MREG: variants seen among roughly 807,000 people sequenced by gnomAD.
The protein encoded by MREG is dilute suppressor protein homolog.
MREG carries 31 observed loss-of-function variants against 28.5 expected under a neutral mutation model. That is an observed-to-expected ratio of 1.09 (90% CI 0.82 to 1.47). The LOEUF is 1.47. MREG is among the 40% of genes most tolerant of loss of function. The probability of loss-of-function intolerance (pLI) is 0.00; values close to 1 mark genes in which losing one functional copy is unlikely to be tolerated. For synonymous variants in MREG, 106 were observed against 95.2 expected (o/e 1.11, Z -0.66); for missense variants, 256 against 257.4 (o/e 0.99, Z 0.04).
At chr2:216,010,308 T>A (rs961543782) in intron 1 of MREG, among the ~76,000 whole-genome samples, 5 of 151,806 alleles carry the variant, frequency 3.3e-5, no homozygotes, top group African/African-American at 9.7e-5. Flanking sequence ...GCGGAAACCT[T>A]GATTTCAGAC....
chr2:215,967,683 T>C (rs1018830339), intron 2 of MREG, among the ~76,000 whole-genome samples: 1 of 152,192 alleles, frequency 6.6e-6, no homozygotes, highest in African/African-American at 2.4e-5. Flanking sequence ...GCCAGCAAAC[T>C]TTTTATGTGT....
At chr2:216,033,338 A>T (rs2105937127), upstream of MREG, among the ~76,000 whole-genome samples, 1 of 152,300 alleles carries the variant, frequency 6.6e-6, no homozygotes, top group East Asian at 1.9e-4. Context: ...TAAAATGACC[A>T]GTAATTTTGC....
intron 1 of MREG, among the ~76,000 whole-genome samples, chr2:216,028,452 C>T (rs142055813): frequency 0.05 from 7,098 of 143,144 alleles, 203 homozygotes; most frequent in Middle Eastern, 0.099. Flanking sequence ...GTCATGAACC[C>T]GGGAGGCGGA....
chr2:215,967,846 A>G (rs1692987151), intron 2 of MREG, among the ~76,000 whole-genome samples: 2 of 152,184 alleles, frequency 1.3e-5, no homozygotes, highest in South Asian at 4.1e-4. Context: ...AGTGAGTCCT[A>G]AGTGTGAAGG....
Position 216,020,004 on chromosome 2 carries a change from A to G in MREG, c.-68+12785T>C, listed in dbSNP as rs546887666. 3.3e-5 allele frequency among the ~76,000 whole-genome samples: 5 copies of G among 152,268 alleles called. No individual in the cohort carries two copies. The South Asian group carries it at 1.0e-3, about 32-fold the overall frequency. ...GGAATAATTCTGCCCTTTTAAAAAG[A>G]GAATAATTTTTCCCAGGGAGGAAAA... On this transcript the variant is annotated intron_variant, in intron 1 of 3. Coordinates refer to the MREG transcript ENST00000420348.
At chr2:215,963,203 T>A (rs568509430) in intron 2 of MREG, among the ~76,000 whole-genome samples, 1 of 152,268 alleles carries the variant, frequency 6.6e-6, no homozygotes, top group South Asian at 2.1e-4. Flanking sequence ...CTTGCACCTG[T>A]AATCCCAGCA....
chr2:215,983,727 T>C (rs1334958248), intron 2 of MREG, among the ~76,000 whole-genome samples: 2 of 152,032 alleles, frequency 1.3e-5, no homozygotes, highest in Non-Finnish European at 1.5e-5. Context: ...TCCCAGGGGG[T>C]TTGGCCAAGT....
Position 215,947,023 on chromosome 2 carries a change from C to T in MREG, c.346G>A (p.Gly116Ser), listed in dbSNP as rs1430539105. 1 of 1,572,138 alleles carries T rather than the reference C, an allele frequency of 6.4e-7. No homozygotes were observed. The highest frequency in any genetic ancestry group is 1.1e-5 in the South Asian group (1 of 89,770). ...NRWKCILEDL[G>S]FQKEADSLLS... Reference sequence around the variant, plus strand: ...ATTTCACAATCTCTTTTAGACTTACCTAAATCTTCTAAGATGCACTTCCAT... The same window carrying T: ...ATTTCACAATCTCTTTTAGACTTACTTAAATCTTCTAAGATGCACTTCCAT... The change falls in exon 3 of 5, where the codon GGT becomes AGT. Residue 116 changes from glycine (G) to serine (S), a missense_variant and splice_region_variant. Coordinates refer to ENST00000263268, the MANE Select transcript of MREG (RefSeq NM_018000.3).
chr2:215,950,034 T>C (rs1692444387), intron 2 of MREG, among the ~76,000 whole-genome samples: 1 of 152,230 alleles, frequency 6.6e-6, no homozygotes. Flanking sequence ...TGACCCTGCT[T>C]TCTGGACTTC....
intron 1 of MREG, among the ~76,000 whole-genome samples, chr2:216,029,349 G>C (rs774469360): frequency 6.6e-6 from 1 of 152,078 alleles, no homozygotes; most frequent in South Asian, 2.1e-4. Context: ...GTGGTGGCGC[G>C]CTTCTGTAGT....
At chr2:215,965,537 C>A (rs973816201) in intron 2 of MREG, among the ~76,000 whole-genome samples, 7 of 152,110 alleles carry the variant, frequency 4.6e-5, no homozygotes, top group Non-Finnish European at 7.4e-5. Flanking sequence ...TTAGAAAAAC[C>A]AACAATCCTA....
At chr2:215,991,134 C>T (rs1487010293) in intron 2 of MREG, among the ~76,000 whole-genome samples, 2 of 152,164 alleles carry the variant, frequency 1.3e-5, no homozygotes, top group African/African-American at 4.8e-5. Context: ...AAATTGACCA[C>T]ATAATTGGAA....
chr2:216,022,760 C>A (rs1694544023), intron 1 of MREG, among the ~76,000 whole-genome samples: 1 of 152,200 alleles, frequency 6.6e-6, no homozygotes, highest in Non-Finnish European at 1.5e-5. Context: ...TAAGCCTAGA[C>A]CCAGCTATCA....
At position 215,961,230 on chromosome 2, in the gene MREG, T is replaced by C. The variant is rs190907569; in HGVS notation, c.256-14117A>G. Among the ~76,000 whole-genome samples the C allele has an allele frequency of 2.2e-3, 339 of 152,356 alleles. 3 individuals are homozygous for C. Among genetic ancestry groups the C allele is most frequent in the African/African-American group, 7.6e-3 (314 of 41,586 alleles). On this transcript the variant is annotated intron_variant, in intron 2 of 4. Transcript: ENST00000263268. ...ACAATGGTTGGCTTTATGCTTTAGCTTGGATGTCTCACCACTCTGGAGCAC... is the reference window on the plus strand; with the variant it reads ...ACAATGGTTGGCTTTATGCTTTAGCCTGGATGTCTCACCACTCTGGAGCAC...
chr2:215,982,910 A>G (rs539333026), intron 2 of MREG, among the ~76,000 whole-genome samples: 8 of 152,212 alleles, frequency 5.3e-5, no homozygotes, highest in Non-Finnish European at 1.2e-4. Context: ...TGCTTAGCAT[A>G]CAGGGTAATA....
At chr2:215,997,941 C>A (rs1693912706) in intron 1 of MREG, among the ~76,000 whole-genome samples, 1 of 152,176 alleles carries the variant, frequency 6.6e-6, no homozygotes, top group Non-Finnish European at 1.5e-5. Flanking sequence ...CAGGAACCCA[C>A]CCAGCTAGGG....
At chr2:215,984,550 G>C (rs1693515921) in intron 2 of MREG, among the ~76,000 whole-genome samples, 1 of 138,506 alleles carries the variant, frequency 7.2e-6, no homozygotes, top group Non-Finnish European at 1.5e-5. Flanking sequence ...AAAAATTAAG[G>C]CTTTTTTAGG....
At chr2:215,949,087 CTAA>C (rs58773562) in intron 2 of MREG, among the ~76,000 whole-genome samples, 4,624 of 124,398 alleles carry the variant, frequency 0.037, 103 homozygotes, top group African/African-American at 0.044. Context: ...ACTACTACTA[CTAA>C]TAATAATAAT....
chr2:215,998,074 G>A (rs1049466577), intron 1 of MREG, among the ~76,000 whole-genome samples: 3 of 152,158 alleles, frequency 2.0e-5, no homozygotes, highest in African/African-American at 7.2e-5. Context: ...GGAGGCTGAG[G>A]CAGGTGGATC....
Sources: gnomAD v4.1 joint callset for allele counts (sites outside exome capture counted in the v4.1 genomes callset) on GRCh38, gnomAD v4.1.1 for gene constraint, MANE v1.5 for transcripts, NCBI Gene and HGNC (gene_info 2026-07-23, HGNC 2026-07-21) for gene names.